ZFPM2: variants seen among roughly 807,000 people sequenced by gnomAD.
ZFPM2 encodes the protein zinc finger protein ZFPM2.
ZFPM2 carries 20 observed loss-of-function variants against 98.6 expected under a neutral mutation model. The ratio of observed to expected loss-of-function variants is 0.20; its 90% CI spans 0.14 to 0.29. ZFPM2 has a LOEUF of 0.29. Among genes scored for constraint, ZFPM2 ranks in the 10% least tolerant of loss-of-function variants. The pLI, the probability that ZFPM2 is intolerant of heterozygous loss-of-function variation, is 1.00. For synonymous variants in ZFPM2, 518 were observed against 502.7 expected, an observed-to-expected ratio of 1.03 and a Z score of -0.41; for missense variants, 1,310 against 1,388.6, an observed-to-expected ratio of 0.94 and a Z score of 0.90.
chr8:105,632,619 T>C (rs1816774574), intron 4 of ZFPM2, among the ~76,000 whole-genome samples: 1 of 152,168 alleles, frequency 6.6e-6, no homozygotes, highest in African/African-American at 2.4e-5. Context: ...ATTTTGAAAA[T>C]TGAAATACAA....
At chr8:105,329,460 A>C (rs1312634142) in intron 1 of ZFPM2, among the ~76,000 whole-genome samples, 1 of 151,818 alleles carries the variant, frequency 6.6e-6, no homozygotes, top group African/African-American at 2.4e-5. Flanking sequence ...TGATATGATA[A>C]AGGATGAGGG....
intron 5 of ZFPM2, among the ~76,000 whole-genome samples, chr8:105,738,891 A>T (rs570800664): frequency 6.6e-6 from 1 of 152,206 alleles, no homozygotes; most frequent in South Asian, 2.1e-4. Context: ...AAAAAAGGTC[A>T]TGTATTTTAG....
rs749761306 is a variant in ZFPM2, at chr8:105,801,077, G to A, written c.995G>A (p.Gly332Asp). ...AAAATGGAAGAATTCCTGCCCCCTG[G>A]TGCTAGTCTAAAATGCACCGTCTGT... The part of the protein sequence containing the change: ...GVKMEEFLPP[G>D]ASLKCTVCSY... The change falls in exon 8 of 8, where the codon GGT becomes GAT. Residue 332 changes from glycine (G) to aspartate (D), a missense_variant. Coordinates refer to ENST00000407775, the MANE Select transcript of ZFPM2 (RefSeq NM_012082.4). 6.2e-7 allele frequency: 1 copy of A among 1,613,532 alleles called. No homozygotes were observed. Among genetic ancestry groups the A allele is most frequent in the African/African-American group, 1.3e-5 (1 of 74,988 alleles).
intron 6 of ZFPM2, among the ~76,000 whole-genome samples, chr8:105,789,612 G>A (rs1349680286): frequency 2.7e-5 from 4 of 150,708 alleles, no homozygotes; most frequent in African/African-American, 9.7e-5. Context: ...TAATGGGATG[G>A]CTGGGTCAAA....
intron 1 of ZFPM2, among the ~76,000 whole-genome samples, chr8:105,403,644 T>C (rs1222064761): frequency 1.3e-5 from 2 of 151,902 alleles, no homozygotes; most frequent in African/African-American, 4.8e-5. Flanking sequence ...CAGCTAGAAC[T>C]CCCAACTCCT....
chr8:105,512,357 G>A (rs532310578), intron 3 of ZFPM2, among the ~76,000 whole-genome samples: 15 of 152,278 alleles, frequency 9.9e-5, no homozygotes, highest in African/African-American at 3.1e-4. Context: ...TCTCTTCTAT[G>A]AAATGGGAAT....
intron 3 of ZFPM2, among the ~76,000 whole-genome samples, chr8:105,467,089 G>A (rs1188456497): frequency 1.3e-5 from 2 of 152,006 alleles, no homozygotes; most frequent in African/African-American, 4.8e-5. Context: ...CAGCCAGGCT[G>A]CAAGAATGGG....
rs570745622 is a variant in ZFPM2 at position 105,642,436 on chromosome 8, G to C, written c.532+8079G>C. On this transcript the variant is annotated intron_variant, in intron 5 of 7. Coordinates refer to ENST00000407775, the MANE Select transcript of ZFPM2 (RefSeq NM_012082.4). ...CTTATATAATTTAAGATAAATATTT[G>C]CATTTGAAAATCATTCTTTGTCTTA... Among the ~76,000 whole-genome samples, 15 of 152,030 alleles carry C rather than the reference G, an allele frequency of 9.9e-5. No individual in the cohort carries two copies. The East Asian group carries it at 2.5e-3, about 25-fold the overall frequency.
chr8:105,575,155 G>A (rs1371532340), intron 4 of ZFPM2, among the ~76,000 whole-genome samples: 1 of 152,204 alleles, frequency 6.6e-6, no homozygotes, highest in Non-Finnish European at 1.5e-5. Context: ...GAGAAGGGGT[G>A]AGGGAGGAAG....
chr8:105,482,763 G>T (rs1813145089), intron 3 of ZFPM2, among the ~76,000 whole-genome samples: 1 of 151,870 alleles, frequency 6.6e-6, no homozygotes, highest in Non-Finnish European at 1.5e-5. Flanking sequence ...TTAGAAATTT[G>T]CAATTATTGT....
chr8:105,414,251 G>A (rs1811634716), intron 1 of ZFPM2, among the ~76,000 whole-genome samples: 1 of 151,830 alleles, frequency 6.6e-6, no homozygotes, highest in African/African-American at 2.4e-5. Context: ...CCCTTTTGGG[G>A]GATATTATAT....
intron 5 of ZFPM2, among the ~76,000 whole-genome samples, chr8:105,663,912 T>C (rs1318643474): frequency 6.6e-6 from 1 of 152,088 alleles, no homozygotes; most frequent in Non-Finnish European, 1.5e-5. Flanking sequence ...AAATTGGGAG[T>C]CAGTTTGTCT....
intron 1 of ZFPM2, among the ~76,000 whole-genome samples, chr8:105,320,436 G>A (rs965404034): frequency 2.0e-5 from 3 of 151,298 alleles, no homozygotes; most frequent in African/African-American, 7.4e-5. Flanking sequence ...ATCAAGTAGC[G>A]ATATCGTTTT....
intron 6 of ZFPM2, among the ~76,000 whole-genome samples, chr8:105,792,893 G>A (rs1204755513): frequency 3.3e-5 from 5 of 152,092 alleles, no homozygotes; most frequent in Non-Finnish European, 7.4e-5. Context: ...TTTTATCAGA[G>A]ACTAGGATTG....
At chr8:105,441,843 G>C (rs1197815247) in intron 2 of ZFPM2, among the ~76,000 whole-genome samples, 1 of 152,068 alleles carries the variant, frequency 6.6e-6, no homozygotes, top group Non-Finnish European at 1.5e-5. Flanking sequence ...AGCAGGAGGA[G>C]GCTCAGTAGA....
intron 1 of ZFPM2, among the ~76,000 whole-genome samples, chr8:105,332,695 A>C (rs1318936808): frequency 1.3e-5 from 2 of 151,648 alleles, no homozygotes; most frequent in East Asian, 3.9e-4. Context: ...TGCTGTGGGC[A>C]TTGAGGTTCA....
intron 1 of ZFPM2, among the ~76,000 whole-genome samples, chr8:105,348,962 C>G (rs917372797): frequency 2.0e-5 from 3 of 152,128 alleles, no homozygotes; most frequent in Non-Finnish European, 4.4e-5. Context: ...ACTTAAAAAT[C>G]ATTTCCAAAA....
chr8:105,786,869 T>C (rs16873687), intron 5 of ZFPM2, among the ~76,000 whole-genome samples: 26,776 of 152,162 alleles, frequency 0.18, 4,218 homozygotes, highest in African/African-American at 0.42. Context: ...CAACTCTTTC[T>C]TTGCTTTTGT....
At chr8:105,772,042 A>C (rs1049275940) in intron 5 of ZFPM2, among the ~76,000 whole-genome samples, 8 of 152,152 alleles carry the variant, frequency 5.3e-5, no homozygotes, top group Non-Finnish European at 7.4e-5. Flanking sequence ...CATGTTTATT[A>C]CACACAATCC....
Sources: allele counts gnomAD v4.1 joint callset (sites outside exome capture counted in the v4.1 genomes callset), GRCh38; gene constraint gnomAD v4.1.1; transcripts MANE v1.5; gene names NCBI Gene and HGNC (gene_info 2026-07-23, HGNC 2026-07-21).